PLOD1: variants seen among roughly 807,000 people sequenced by gnomAD.
PLOD1 encodes procollagen-lysine,2-oxoglutarate 5-dioxygenase 1.
In PLOD1, 70 loss-of-function variants were observed where a neutral mutation model predicts 94.7. The ratio of observed to expected loss-of-function variants is 0.74; its 90% CI spans 0.61 to 0.90. The LOEUF is 0.90. Among genes scored for constraint, PLOD1 ranks in the 40% least tolerant of loss-of-function variants. The pLI is 0.00. For synonymous variants in PLOD1, 417 were observed against 400.2 expected (o/e 1.04, Z -0.50); for missense variants, 905 against 972.7 (o/e 0.93, Z 0.93).
At chr1:11,966,459 T>C (rs1431919015) in intron 15 of PLOD1, 143 bp downstream of exon 15, 25 of 176,946 alleles carry the variant, frequency 1.4e-4, no homozygotes, top group South Asian at 1.2e-3. Context: ...GGCGGCAGGA[T>C]GGGAGTTGGG....
In PLOD1 at chr1:11,972,970, C is replaced by T. The variant is rs777554498; in HGVS notation, c.2001C>T (p.Ala667=). Residue 667 remains alanine (A), a synonymous_variant, in exon 18 of 19, where the codon GCC becomes GCT. Transcript: ENST00000196061. The surrounding 1 kb of genome is among the most constrained non-coding windows in gnomAD (Gnocchi z 4.6). Reference sequence around the variant, plus strand: ...CCTCCACCTTCACCATCAACATCGCCCTGAACCGAGTCGGGGTGGATTACG... The same window carrying T: ...CCTCCACCTTCACCATCAACATCGCTCTGAACCGAGTCGGGGTGGATTACG... The part of the protein sequence containing the change: ...HDASTFTINI[A]LNRVGVDYEG... The T allele has an allele frequency of 5.0e-6, 8 of 1,614,094 alleles. No individual in the cohort carries two copies. Among genetic ancestry groups the T allele is most frequent in the Non-Finnish European group, 6.8e-6 (8 of 1,179,998 alleles).
chr1:11,941,079 C>T (rs763330660), intron 1 of PLOD1, among the ~76,000 whole-genome samples: 1 of 152,182 alleles, frequency 6.6e-6, no homozygotes, highest in Admixed American at 6.5e-5. Context: ...CTCTGTGCCT[C>T]GGTTTCCTCA....
chr1:11,970,617 G>A (rs919932603), intron 16 of PLOD1, 53 bp from the exon 17 acceptor site: 68 of 1,581,808 alleles, frequency 4.3e-5, no homozygotes, highest in Non-Finnish European at 5.3e-5. Flanking sequence ...AGTAGACAGA[G>A]CCTGGGGGCC....
intron 2 of PLOD1, among the ~76,000 whole-genome samples, chr1:11,948,678 C>T (rs940877304): frequency 2.0e-5 from 3 of 151,752 alleles, no homozygotes; most frequent in South Asian, 2.1e-4. Flanking sequence ...TGCAGTGAGC[C>T]GAGGTGGCGT....
intron 9 of PLOD1, 27 bp from the exon 10 acceptor site, chr1:11,960,619 C>CA: frequency 1.9e-5 from 29 of 1,489,872 alleles, no homozygotes; most frequent in Non-Finnish European, 2.7e-5. Flanking sequence ...CTCACCCCCG[C>CA]ATCCCCTTCC....
At chr1:11,946,761 G>C (rs1426175044) in intron 1 of PLOD1, among the ~76,000 whole-genome samples, 1 of 152,164 alleles carries the variant, frequency 6.6e-6, no homozygotes, top group African/African-American at 2.4e-5. Context: ...GTTGGTCAGT[G>C]TATTTGTCTG....
chr1:11,967,616 A>ATATATATATTTATATATATATAT (rs35226154), intron 16 of PLOD1, among the ~76,000 whole-genome samples: 1 of 75,144 alleles, frequency 1.3e-5, no homozygotes, highest in African/African-American at 6.5e-5. Context: ...TATATATATA[A>ATATATATATTTATATATATATAT]AAAGAAATAT....
chr1:11,939,737 A>C (rs1453779398), intron 1 of PLOD1, among the ~76,000 whole-genome samples: 3 of 151,936 alleles, frequency 2.0e-5, no homozygotes, highest in Non-Finnish European at 2.9e-5. Flanking sequence ...TCTCCCGAGT[A>C]GCTGGGATTA....
intron 15 of PLOD1, 107 bp from the exon 16 acceptor site, chr1:11,966,880 C>G: frequency 1.3e-6 from 1 of 788,872 alleles, no homozygotes; most frequent in East Asian, 2.4e-5. Context: ...CCCTGCTCCC[C>G]GGGGACACTG....
chr1:11,947,864 G>A, intron 1 of PLOD1, 112 bp from the exon 2 acceptor site: 1 of 757,608 alleles, frequency 1.3e-6, no homozygotes, highest in East Asian at 2.5e-5. Flanking sequence ...GTAATGGGTT[G>A]ACATGAAGAC....
At position 11,964,227 on chromosome 1, in the gene PLOD1, T is replaced by C. The variant is rs373446893; in HGVS notation, c.1255T>C (p.Trp419Arg). ...TRHGRLWSNF[W>R]GALSADGYYA... ...GCATGGGAGGCTGTGGTCGAACTTCTGGGGGGCTCTCAGTGCAGATGGCTA... is the reference window on the plus strand; with the variant it reads ...GCATGGGAGGCTGTGGTCGAACTTCCGGGGGGCTCTCAGTGCAGATGGCTA... Residue 419 changes from tryptophan to arginine, a missense_variant, in exon 12 of 19, where the codon TGG (tryptophan) becomes CGG (arginine). By Grantham distance (101) the Trp-to-Arg change is moderately radical (BLOSUM62 -3). Coordinates refer to ENST00000196061, the MANE Select transcript of PLOD1 (RefSeq NM_000302.4). The C allele has an allele frequency of 3.6e-5, 51 of 1,433,444 alleles. No individual in the cohort carries two copies. Among genetic ancestry groups the C allele is most frequent in the Non-Finnish European group, 4.6e-5 (49 of 1,071,080 alleles). 88.8% of individuals were successfully genotyped at this position (1,433,444 alleles called of 1,614,324 possible). A position where few individuals can be genotyped will look rare whatever the true frequency, so the allele number is the denominator to read the frequency against.
In PLOD1 at chr1:11,955,080, G is replaced by T. The variant is rs529058654; in HGVS notation, c.643+187G>T. On this transcript the variant is annotated intron_variant, in intron 6 of 18. Transcript: ENST00000196061. ...CCTGGCGCAGAGCCATGTCTCTCTTGGGGGCGGGGGACAAGTGAGCATTCA... is the reference window on the plus strand; with the variant it reads ...CCTGGCGCAGAGCCATGTCTCTCTTTGGGGCGGGGGACAAGTGAGCATTCA... 2.8e-3 allele frequency among the ~76,000 whole-genome samples: 419 copies of T among 152,340 alleles called. 1 individual carries two copies. Among genetic ancestry groups the T allele is most frequent in the African/African-American group, 8.9e-3 (369 of 41,580 alleles).
rs753343984 is a variant in PLOD1, at chr1:11,974,825, C to G, written c.*17C>G. 6 of 1,613,746 alleles carry G rather than the reference C, an allele frequency of 3.7e-6. No homozygotes were observed. Among genetic ancestry groups the G allele is most frequent in the Non-Finnish European group, 5.1e-6 (6 of 1,179,768 alleles). ...GATCCCTAATTGGCCAGGCCTGACC[C>G]TCTTGGACCTTTCTTCTTTGCCGAC... On this transcript the variant is annotated 3_prime_UTR_variant, in exon 19 of 19. Transcript: ENST00000196061.
Position 11,957,745 on chromosome 1 carries a change from G to A in PLOD1, c.742-97G>A. 1.2e-6 allele frequency: 1 copy of A among 825,308 alleles called. No individual in the cohort carries two copies. Among genetic ancestry groups the A allele is most frequent in the Admixed American group, 1.7e-5 (1 of 59,068 alleles). The allele number at this position is 825,308 out of a possible 1,614,324, so 51.1% of individuals were successfully genotyped here. On this transcript the variant is annotated intron_variant, in intron 7 of 18. Coordinates refer to ENST00000196061, the MANE Select transcript of PLOD1 (RefSeq NM_000302.4). This position sits in a 1 kb window ranked among gnomAD's most constrained non-coding sequence, Gnocchi z 4.1. ...CCTCTTAGGGAGTGGGAGGGGGCTG[G>A]ATGGTGCTGACCCACTGGGGGCCCA...
chr1:11,960,839 A>C, intron 10 of PLOD1, 72 bp downstream of exon 10: 1 of 1,600,094 alleles, frequency 6.2e-7, no homozygotes, highest in Non-Finnish European at 8.5e-7. Flanking sequence ...AAGGAGCAGC[A>C]GGCTGAGTGA....
chr1:11,958,707 A>G lies in PLOD1; in HGVS notation c.975+60A>G, dbSNP rs1431192406. On this transcript the variant is annotated intron_variant, in intron 9 of 18. Transcript: ENST00000196061. The surrounding 1 kb of genome is among the most constrained non-coding windows in gnomAD (Gnocchi z 4.3). Reference sequence around the variant, plus strand: ...GCTTAGATCCAGGGCCCAGCTTCACAAGGTAGCCCGAGACCTCTGAGGGTC... The same window carrying G: ...GCTTAGATCCAGGGCCCAGCTTCACGAGGTAGCCCGAGACCTCTGAGGGTC... 26 of 1,605,038 alleles carry G rather than the reference A, an allele frequency of 1.6e-5. No individual in the cohort carries two copies. The highest frequency in any genetic ancestry group is 1.6e-5 in the Non-Finnish European group (19 of 1,174,258).
intron 4 of PLOD1, 87 bp downstream of exon 4, chr1:11,950,607 C>T (rs1645693695): frequency 3.3e-6 from 4 of 1,221,934 alleles, no homozygotes; most frequent in Admixed American, 1.8e-5. Context: ...GACGTGCAAT[C>T]TGGGTGTCTC....
intron 2 of PLOD1, among the ~76,000 whole-genome samples, chr1:11,949,387 G>A (rs1041782506): frequency 6.6e-6 from 1 of 152,082 alleles, no homozygotes. Context: ...GGGAGGGTCA[G>A]AGTTGCTGGA....
intron 10 of PLOD1, among the ~76,000 whole-genome samples, chr1:11,961,690 G>T (rs1049439132): frequency 6.6e-6 from 1 of 151,864 alleles, no homozygotes; most frequent in African/African-American, 2.4e-5. Flanking sequence ...GCTTACTGTA[G>T]CCTCAAACCC....
Sources: gnomAD v4.1 joint callset for allele counts (sites outside exome capture counted in the v4.1 genomes callset) on GRCh38, gnomAD v4.1.1 for gene constraint, Gnocchi (gnomAD v3.1) non-coding constraint, MANE v1.5 for transcripts, NCBI Gene and HGNC (gene_info 2026-07-23, HGNC 2026-07-21) for gene names.